The following TAOK3 variants were observed in gnomAD, a reference collection of about 807,000 sequenced individuals.
TAOK3 encodes the protein serine/threonine-protein kinase TAO3.
In TAOK3, 40 loss-of-function variants were observed where a neutral mutation model predicts 120.4. That is an observed-to-expected ratio of 0.33 (90% CI 0.26 to 0.43). The LOEUF is 0.43. TAOK3 is among the 20% of genes least tolerant of loss of function. The pLI, the probability that TAOK3 is intolerant of heterozygous loss-of-function variation, is 1.00. For missense variants in TAOK3, 821 were observed against 1,112.1 expected (o/e 0.74, Z 3.72); for synonymous variants, 355 against 387.5 (o/e 0.92, Z 0.99).
At chr12:118,367,037 G>A (rs537436043) in intron 1 of TAOK3, among the ~76,000 whole-genome samples, 2 of 152,298 alleles carry the variant, frequency 1.3e-5, no homozygotes, top group Admixed American at 1.3e-4. Context: ...TAGCCTGGGC[G>A]ACAGAGTAAG....
At chr12:118,266,605 T>C (rs776918148) in intron 2 of TAOK3, 50 bp downstream of exon 2, 21 of 397,670 alleles carry the variant, frequency 5.3e-5, no homozygotes, top group Non-Finnish European at 8.0e-5. Context: ...ACCCAGAAAA[T>C]ATTATTTTTT....
chr12:118,217,386 T>G (rs2139564369), intron 9 of TAOK3, among the ~76,000 whole-genome samples: 1 of 152,164 alleles, frequency 6.6e-6, no homozygotes, highest in African/African-American at 2.4e-5. Flanking sequence ...TTTCTGTACC[T>G]CTGAAATACA....
At chr12:118,260,064 G>C (rs1204175641) in intron 2 of TAOK3, among the ~76,000 whole-genome samples, 1 of 152,238 alleles carries the variant, frequency 6.6e-6, no homozygotes, top group Non-Finnish European at 1.5e-5. Flanking sequence ...ACTCAGAAGA[G>C]TCTTGCCTTC....
intron 1 of TAOK3, among the ~76,000 whole-genome samples, chr12:118,302,700 T>C (rs1434142628): frequency 6.6e-6 from 1 of 152,180 alleles, no homozygotes; most frequent in Non-Finnish European, 1.5e-5. Flanking sequence ...TCAAGACATG[T>C]TGGATAAATG....
chr12:118,340,467 A>C (rs2044567612), intron 1 of TAOK3, among the ~76,000 whole-genome samples: 1 of 152,190 alleles, frequency 6.6e-6, no homozygotes, highest in South Asian at 2.1e-4. Context: ...TTTTTTATGA[A>C]AAGAAAATGG....
intron 1 of TAOK3, among the ~76,000 whole-genome samples, chr12:118,266,990 A>G (rs780647681): frequency 6.6e-6 from 1 of 152,226 alleles, no homozygotes; most frequent in Non-Finnish European, 1.5e-5. Context: ...TTAAGAATCT[A>G]TACTGAAGCT....
At chr12:118,242,145 A>G (rs915651752) in intron 5 of TAOK3, among the ~76,000 whole-genome samples, 25 of 152,180 alleles carry the variant, frequency 1.6e-4, no homozygotes, top group African/African-American at 5.5e-4. Context: ...GATTTTCTGA[A>G]GACTTGAAAT....
chr12:118,364,285 G>C (rs566804813), intron 1 of TAOK3, among the ~76,000 whole-genome samples: 1 of 152,112 alleles, frequency 6.6e-6, no homozygotes, highest in Non-Finnish European at 1.5e-5. Context: ...GTGTATCTAG[G>C]AAGAATGAAA....
intron 1 of TAOK3, among the ~76,000 whole-genome samples, chr12:118,272,237 G>A (rs1177292076): frequency 6.8e-6 from 1 of 146,506 alleles, no homozygotes; most frequent in Non-Finnish European, 1.5e-5. Flanking sequence ...AGGTTGCAGT[G>A]AGCCGAGTTA....
intron 1 of TAOK3, among the ~76,000 whole-genome samples, chr12:118,349,450 G>A (rs1247725600): frequency 2.6e-5 from 4 of 152,276 alleles, no homozygotes; most frequent in South Asian, 2.1e-4. Flanking sequence ...ACTGATGTAC[G>A]CTACAATGTG....
At chr12:118,240,784 G>T (rs2040217746) in intron 5 of TAOK3, among the ~76,000 whole-genome samples, 1 of 151,942 alleles carries the variant, frequency 6.6e-6, no homozygotes, top group Non-Finnish European at 1.5e-5. Context: ...AAGAATAGTA[G>T]ATGCTCATTA....
chr12:118,249,025 GT>G (rs917420146), intron 3 of TAOK3, among the ~76,000 whole-genome samples: 2 of 152,012 alleles, frequency 1.3e-5, no homozygotes, highest in African/African-American at 4.8e-5. Context: ...TATCAATGGG[GT>G]CTCAGCTTTC....
In TAOK3 at chr12:118,160,311, T is replaced by C; in HGVS notation, c.2187A>G (p.Val729=). The change falls in exon 19 of 21, where the codon GTA becomes GTG. Residue 729 remains valine (V), a synonymous_variant. Coordinates refer to ENST00000392533, the MANE Select transcript of TAOK3 (RefSeq NM_016281.4). The surrounding 1 kb of genome is among the most constrained non-coding windows in gnomAD (Gnocchi z 4.2). ...IKKQFQDTCK[V]QTKQYKALKN... is the part of the protein sequence containing the mutation. ...TGAGTGCTTTATACTGTTTGGTCTG[T>C]ACTTTGCAAGTGTCCTGAAACTGTT... 1 of 1,614,220 alleles carries C rather than the reference T, an allele frequency of 6.2e-7. No homozygotes were observed. The highest frequency in any genetic ancestry group is 8.5e-7 in the Non-Finnish European group (1 of 1,180,028).
intron 1 of TAOK3, among the ~76,000 whole-genome samples, chr12:118,368,114 T>C (rs936965951): frequency 5.3e-5 from 8 of 152,174 alleles, no homozygotes; most frequent in Non-Finnish European, 1.2e-4. Flanking sequence ...TGAAAACAGT[T>C]TGAGAACCAA....
intron 1 of TAOK3, among the ~76,000 whole-genome samples, chr12:118,305,910 A>G (rs545767312): frequency 8.6e-5 from 13 of 151,938 alleles, no homozygotes; most frequent in African/African-American, 3.1e-4. Flanking sequence ...GTCTCAAAAA[A>G]AAAAAAAAAA....
chr12:118,314,906 G>A (rs1413784245), intron 1 of TAOK3, among the ~76,000 whole-genome samples: 4 of 151,748 alleles, frequency 2.6e-5, no homozygotes, highest in Non-Finnish European at 5.9e-5. Flanking sequence ...ACATGAAGGA[G>A]TTTTTGTTTC....
intron 1 of TAOK3, among the ~76,000 whole-genome samples, chr12:118,272,430 A>G (rs2041745784): frequency 6.6e-6 from 1 of 152,164 alleles, no homozygotes; most frequent in Non-Finnish European, 1.5e-5. Context: ...TTGTGTTTCA[A>G]TGTTTTTTTC....
At chr12:118,201,197 A>G (rs113361422) in intron 12 of TAOK3, 99 bp downstream of exon 12, 28 of 1,129,640 alleles carry the variant, frequency 2.5e-5, no homozygotes, top group African/African-American at 2.3e-4. Context: ...GACAGCATCA[A>G]TTAATTTTTA....
At chr12:118,291,107 C>T (rs1047295278) in intron 1 of TAOK3, among the ~76,000 whole-genome samples, 3 of 151,404 alleles carry the variant, frequency 2.0e-5, no homozygotes, top group East Asian at 1.9e-4. Flanking sequence ...CTGTCTGCCT[C>T]GGCGTCCGAA....
Sources: allele counts gnomAD v4.1 joint callset (sites outside exome capture counted in the v4.1 genomes callset), GRCh38; gene constraint gnomAD v4.1.1; non-coding constraint Gnocchi (gnomAD v3.1); transcripts MANE v1.5; gene names NCBI Gene and HGNC (gene_info 2026-07-23, HGNC 2026-07-21).